The following ARAP2 variants were observed in gnomAD, a reference collection of about 807,000 sequenced individuals.
The protein encoded by ARAP2 is ArfGAP with RhoGAP domain, ankyrin repeat and PH domain 2.
In ARAP2, 148 loss-of-function variants were observed where a neutral mutation model predicts 194.5. That is an observed-to-expected ratio of 0.76 (90% CI 0.67 to 0.87). The LOEUF (loss-of-function observed/expected upper bound fraction) is 0.87. Among genes scored for constraint, ARAP2 ranks in the 40% least tolerant of loss-of-function variants. The pLI, the probability that ARAP2 is intolerant of heterozygous loss-of-function variation, is 0.00. For synonymous variants in ARAP2, 695 were observed against 683.5 expected, an observed-to-expected ratio of 1.02 and a Z score of -0.26; for missense variants, 2,128 against 1,989.7, an observed-to-expected ratio of 1.07 and a Z score of -1.32.
At chr4:36,016,749 C>T (rs183126804) in intron 6 of ARAP2, among the ~76,000 whole-genome samples, 4 of 152,222 alleles carry the variant, frequency 2.6e-5, no homozygotes, top group East Asian at 1.9e-4. Context: ...GAACATGCCT[C>T]GCTTGAAAAC....
intron 15 of ARAP2, among the ~76,000 whole-genome samples, chr4:36,154,213 T>G (rs1469688930): frequency 2.0e-5 from 3 of 152,144 alleles, no homozygotes; most frequent in Non-Finnish European, 2.9e-5. Flanking sequence ...AACTATGAAT[T>G]TGCTTCATGT....
chr4:36,073,305 T>A (rs1727470193), intron 32 of ARAP2, among the ~76,000 whole-genome samples: 1 of 152,140 alleles, frequency 6.6e-6, no homozygotes, highest in African/African-American at 2.4e-5. Context: ...AATGTGATTA[T>A]ATTACTAGAA....
At chr4:36,211,376 C>A (rs1746735145) in intron 5 of ARAP2, among the ~76,000 whole-genome samples, 1 of 152,124 alleles carries the variant, frequency 6.6e-6, no homozygotes, top group African/African-American at 2.4e-5. Context: ...GGAATGCATT[C>A]ATAATAGCTA....
At position 36,128,684 on chromosome 4, in the gene ARAP2, CAGG is replaced by C. The variant is rs1391617156; in HGVS notation, c.3486_3488del (p.Leu1163del). On this transcript the variant is annotated inframe_deletion, in exon 21 of 33. Transcript: ENST00000303965. ...TTCTTGCATCCTTTTTGAAACTCTC[CAGG>C]AGTTCACTTATATGCAAAGGATCAC... 42 of 1,612,712 alleles carry C rather than the reference CAGG, an allele frequency of 2.6e-5. No homozygotes were observed. In the East Asian group the frequency reaches 8.0e-4, roughly 31 times the overall value.
intron 15 of ARAP2, among the ~76,000 whole-genome samples, chr4:36,154,359 G>C (rs778190789): frequency 7.2e-5 from 11 of 152,038 alleles, no homozygotes; most frequent in Non-Finnish European, 1.6e-4. Flanking sequence ...GGATTTCACA[G>C]AACAAAATAT....
chr4:36,035,334 T>A (rs189046881), intron 5 of ARAP2, among the ~76,000 whole-genome samples: 1 of 152,146 alleles, frequency 6.6e-6, no homozygotes, highest in African/African-American at 2.4e-5. Flanking sequence ...CAGGAACTTA[T>A]CCATCTATTC....
At chr4:36,080,786 A>C (rs559596408) in intron 30 of ARAP2, among the ~76,000 whole-genome samples, 1 of 152,314 alleles carries the variant, frequency 6.6e-6, no homozygotes, top group East Asian at 1.9e-4. Context: ...AACAGTGATT[A>C]AGTAACCTTT....
At chr4:36,014,879 T>A (rs1006542586) in intron 8 of ARAP2, among the ~76,000 whole-genome samples, 3 of 152,158 alleles carry the variant, frequency 2.0e-5, no homozygotes, top group Non-Finnish European at 4.4e-5. Flanking sequence ...GTGTGAAAGA[T>A]TTCTTTGAAA....
intron 30 of ARAP2, among the ~76,000 whole-genome samples, chr4:36,081,348 G>T (rs749037884): frequency 2.0e-5 from 3 of 152,126 alleles, no homozygotes; most frequent in Non-Finnish European, 4.4e-5. Flanking sequence ...AGTATGACAG[G>T]AAGGAGAAGT....
At chr4:36,143,197 A>G (rs1728762431) in intron 19 of ARAP2, among the ~76,000 whole-genome samples, 2 of 151,652 alleles carry the variant, frequency 1.3e-5, no homozygotes, top group Non-Finnish European at 2.9e-5. Context: ...CTTGGCATCT[A>G]TTGTGCAGAT....
chr4:36,181,306 G>A (rs1739185131), intron 8 of ARAP2, among the ~76,000 whole-genome samples: 1 of 152,004 alleles, frequency 6.6e-6, no homozygotes, highest in South Asian at 2.1e-4. Flanking sequence ...ATTTTCTTGT[G>A]ATTATGCTAG....
chr4:36,160,662 C>A (rs199671281), intron 12 of ARAP2, 21 bp from the exon 13 acceptor site: 259 of 780,328 alleles, frequency 3.3e-4, no homozygotes, highest in African/African-American at 5.1e-4. Context: ...AAAAAAAAAA[C>A]CCCATAATAT....
At chr4:36,074,710 C>T (rs1727834042) in intron 31 of ARAP2, among the ~76,000 whole-genome samples, 1 of 152,018 alleles carries the variant, frequency 6.6e-6, no homozygotes, top group Non-Finnish European at 1.5e-5. Flanking sequence ...AACTATATAG[C>T]TAAATGCCTA....
At position 36,133,699 on chromosome 4, in the gene ARAP2, G is replaced by A. The variant is rs73809108; in HGVS notation, c.3264-310C>T. On this transcript the variant is annotated intron_variant, in intron 19 of 32. Transcript: ENST00000303965. ...ACTTCTGACGGATATTTCTGGTTACGTTTTTTAAGGTTTTAGAATTGTCGA... is the reference window on the plus strand; with the variant it reads ...ACTTCTGACGGATATTTCTGGTTACATTTTTTAAGGTTTTAGAATTGTCGA... Among the ~76,000 whole-genome samples the A allele has an allele frequency of 5.5e-3, 831 of 151,818 alleles. 12 individuals are homozygous for A. The highest frequency in any genetic ancestry group is 0.019 in the African/African-American group (782 of 41,476).
chr4:36,085,350 CT>C (rs34489033), intron 28 of ARAP2, among the ~76,000 whole-genome samples: 14 of 151,802 alleles, frequency 9.2e-5, no homozygotes, highest in African/African-American at 3.4e-4. Context: ...GGATTTAAAT[CT>C]TTTGTCAATC....
chr4:36,159,085 A>G (rs1309998909), intron 14 of ARAP2, among the ~76,000 whole-genome samples: 1 of 152,298 alleles, frequency 6.6e-6, no homozygotes, highest in African/African-American at 2.4e-5. Flanking sequence ...TGTTGGTGGA[A>G]ATGATTATGT....
intron 11 of ARAP2, among the ~76,000 whole-genome samples, chr4:36,163,989 T>C (rs1444745009): frequency 1.3e-5 from 2 of 152,240 alleles, no homozygotes; most frequent in African/African-American, 4.8e-5. Flanking sequence ...AAGCAACTCC[T>C]GTGACTGCAC....
chr4:36,229,737 G>A (rs1751061944), intron 1 of ARAP2, 92 bp from the exon 2 acceptor site: 1 of 307,350 alleles, frequency 3.3e-6, no homozygotes, highest in Non-Finnish European at 6.0e-6. Context: ...CAGAAATTAG[G>A]ACACTAACTC....
chr4:36,139,501 T>C (rs1008531673), intron 19 of ARAP2, among the ~76,000 whole-genome samples: 2 of 151,676 alleles, frequency 1.3e-5, no homozygotes, highest in Admixed American at 6.6e-5. Flanking sequence ...GTGGCTCAGA[T>C]TTTTTAAAAA....
Sources: gnomAD v4.1 joint callset for allele counts (sites outside exome capture counted in the v4.1 genomes callset) on GRCh38, gnomAD v4.1.1 for gene constraint, MANE v1.5 for transcripts, NCBI Gene and HGNC (gene_info 2026-07-23, HGNC 2026-07-21) for gene names.